Variants in TBC1D5 observed in about 807,000 individuals in gnomAD.
The protein encoded by TBC1D5 is TBC1 domain family, member 5.
A neutral mutation model predicts 100.3 loss-of-function variants in TBC1D5; 75 were observed. The observed-to-expected ratio is 0.75, with a 90% CI of 0.62 to 0.91. TBC1D5 has a LOEUF of 0.91. Ranked by LOEUF, TBC1D5 falls within the 40% of genes least tolerant of loss-of-function variation. The pLI, the probability that TBC1D5 is intolerant of heterozygous loss-of-function variation, is 0.00. For missense variants in TBC1D5, 910 were observed against 942.4 expected, an observed-to-expected ratio of 0.97 and a Z score of 0.45; for synonymous variants, 323 against 325.6, an observed-to-expected ratio of 0.99 and a Z score of 0.09.
At chr3:17,450,931 C>T (rs529758024) in intron 3 of TBC1D5, among the ~76,000 whole-genome samples, 18 of 152,244 alleles carry the variant, frequency 1.2e-4, no homozygotes, top group African/African-American at 4.1e-4. Context: ...GACACATAAT[C>T]GTCAGATTCA....
chr3:17,732,018 A>G (rs576784841), intron 1 of TBC1D5, among the ~76,000 whole-genome samples: 49 of 152,234 alleles, frequency 3.2e-4, no homozygotes, highest in African/African-American at 1.2e-3. Context: ...TTGGAGGTCT[A>G]AGATAACAGA....
At chr3:17,461,631 T>C (rs57153645) in intron 3 of TBC1D5, among the ~76,000 whole-genome samples, 13,840 of 151,696 alleles carry the variant, frequency 0.091, 1,414 homozygotes, top group African/African-American at 0.26. Flanking sequence ...TGTCTCTTTT[T>C]CTGTGTGTGT....
intron 2 of TBC1D5, among the ~76,000 whole-genome samples, chr3:17,538,318 C>T (rs540057491): frequency 9.9e-4 from 150 of 152,252 alleles, no homozygotes; most frequent in Non-Finnish European, 1.8e-3. Context: ...AGATCTCAAA[C>T]AGGCCCACTA....
At chr3:17,231,491 T>G (rs1197061856) in intron 17 of TBC1D5, among the ~76,000 whole-genome samples, 1 of 152,124 alleles carries the variant, frequency 6.6e-6, no homozygotes, top group African/African-American at 2.4e-5. Context: ...ACATAAAATT[T>G]CATTAAAAAA....
At chr3:17,563,185 G>A (rs1316837975) in intron 2 of TBC1D5, among the ~76,000 whole-genome samples, 1 of 152,188 alleles carries the variant, frequency 6.6e-6, no homozygotes, top group African/African-American at 2.4e-5. Context: ...GAGAAGGTCT[G>A]AACAAAGGAA....
chr3:17,396,059 A>G (rs2093496138), intron 8 of TBC1D5, among the ~76,000 whole-genome samples: 1 of 152,108 alleles, frequency 6.6e-6, no homozygotes, highest in Non-Finnish European at 1.5e-5. Flanking sequence ...TTTAATATTT[A>G]AGAAACACAC....
rs542387618 is a variant in TBC1D5 at position 17,450,119 on chromosome 3, C to G, written c.98-21600G>C. On this transcript the variant is annotated intron_variant, in intron 3 of 21. Transcript: ENST00000253692. ...TCTGGAGAGGACCCCCAGCAAACTC[C>G]AGCAGAATTGCAGAAGAGGGGCCTG... Among the ~76,000 whole-genome samples the G allele has an allele frequency of 2.0e-5, 3 of 152,258 alleles. No individual in the cohort carries two copies. The East Asian group carries it at 5.8e-4, about 29-fold the overall frequency.
At chr3:17,221,579 C>T (rs1325254272) in intron 17 of TBC1D5, among the ~76,000 whole-genome samples, 1 of 152,092 alleles carries the variant, frequency 6.6e-6, no homozygotes, top group Non-Finnish European at 1.5e-5. Context: ...AAGGGCTTGA[C>T]CTGGTGTTGC....
At chr3:17,561,526 C>CT (rs567381693) in intron 2 of TBC1D5, among the ~76,000 whole-genome samples, 35 of 152,060 alleles carry the variant, frequency 2.3e-4, no homozygotes, top group African/African-American at 6.5e-4. Flanking sequence ...ATAAAATAGA[C>CT]TAAATTTTGA....
At chr3:17,438,714 G>A (rs953945007) in intron 3 of TBC1D5, among the ~76,000 whole-genome samples, 1 of 152,032 alleles carries the variant, frequency 6.6e-6, no homozygotes. Flanking sequence ...TATATAATTT[G>A]TCCTTCACTC....
chr3:17,532,265 G>T (rs1299114334), intron 2 of TBC1D5, among the ~76,000 whole-genome samples: 4 of 152,298 alleles, frequency 2.6e-5, no homozygotes, highest in African/African-American at 9.6e-5. Flanking sequence ...TCAGAGAAAT[G>T]CAAATCAAAA....
chr3:17,416,859 G>T (rs1161353323), intron 4 of TBC1D5, among the ~76,000 whole-genome samples: 1 of 152,126 alleles, frequency 6.6e-6, no homozygotes. Context: ...GTCAATGCTG[G>T]AAAGAACTAG....
chr3:17,202,524 T>TGTGAAAAATGTCTCA lies in TBC1D5; in HGVS notation c.1752+11668_1752+11682dup, dbSNP rs1372495722. 3.3e-5 allele frequency among the ~76,000 whole-genome samples: 5 copies of TGTGAAAAATGTCTCA among 152,266 alleles called. No individual in the cohort carries two copies. The East Asian group carries it at 9.7e-4, about 29-fold the overall frequency. Reference sequence around the variant, plus strand: ...GGGTGAATGTTAATAGCCGAGACAATGTGAAAAATGTCTCAAAGGCATCTC... The same window carrying TGTGAAAAATGTCTCA: ...GGGTGAATGTTAATAGCCGAGACAATGTGAAAAATGTCTCAGTGAAAAATGTCTCAAAGGCATCTC... On this transcript the variant is annotated intron_variant, in intron 18 of 21. Coordinates refer to ENST00000253692, the Ensembl canonical transcript of TBC1D5.
chr3:17,320,394 A>C (rs1016974461), intron 13 of TBC1D5, among the ~76,000 whole-genome samples: 5 of 152,196 alleles, frequency 3.3e-5, no homozygotes, highest in African/African-American at 1.2e-4. Flanking sequence ...CTGTATTTTA[A>C]AAAGCCCTTT....
At chr3:17,453,224 A>T (rs1404632376) in intron 3 of TBC1D5, among the ~76,000 whole-genome samples, 1 of 151,992 alleles carries the variant, frequency 6.6e-6, no homozygotes, top group Non-Finnish European at 1.5e-5. Context: ...GAAAAATTCC[A>T]AATAGTTAAC....
chr3:17,554,537 C>T (rs1359262366), intron 2 of TBC1D5, among the ~76,000 whole-genome samples: 1 of 152,190 alleles, frequency 6.6e-6, no homozygotes, highest in African/African-American at 2.4e-5. Context: ...AGGGATACAA[C>T]TTTACTTTCC....
In TBC1D5 at chr3:17,491,151, A is replaced by C. The variant is rs536219497; in HGVS notation, c.97+17323T>G. 2.0e-5 allele frequency among the ~76,000 whole-genome samples: 3 copies of C among 152,246 alleles called. No homozygotes were observed. In the South Asian group the frequency reaches 6.2e-4, roughly 32 times the overall value. ...ATAAAAATGCTTGTAATTTTTGCAC[A>C]CTGGTTTTGTATCCCGAGACTTTGC... On this transcript the variant is annotated intron_variant, in intron 3 of 21. Coordinates refer to ENST00000253692, the Ensembl canonical transcript of TBC1D5.
intron 8 of TBC1D5, among the ~76,000 whole-genome samples, chr3:17,398,579 A>T (rs1184196409): frequency 6.6e-6 from 1 of 152,184 alleles, no homozygotes; most frequent in African/African-American, 2.4e-5. Flanking sequence ...ACAATCAATG[A>T]TCATTTATTA....
At chr3:17,464,958 G>A (rs879324451) in intron 3 of TBC1D5, among the ~76,000 whole-genome samples, 5 of 151,630 alleles carry the variant, frequency 3.3e-5, no homozygotes, top group African/African-American at 4.9e-5. Context: ...TGATGTTGCC[G>A]CACTAGATAA....
Sources: gnomAD v4.1 joint callset for allele counts (sites outside exome capture counted in the v4.1 genomes callset) on GRCh38, gnomAD v4.1.1 for gene constraint, MANE v1.5 for transcripts, NCBI Gene and HGNC (gene_info 2026-07-23, HGNC 2026-07-21) for gene names.